Variants in CNTNAP4 observed in about 807,000 individuals in gnomAD.
The protein encoded by CNTNAP4 is contactin-associated protein-like 4.
A neutral mutation model predicts 148.4 loss-of-function variants in CNTNAP4; 98 were observed. The ratio of observed to expected loss-of-function variants is 0.66; its 90% CI spans 0.56 to 0.78. CNTNAP4 has a LOEUF of 0.78. Ranked by LOEUF, CNTNAP4 falls within the 30% of genes least tolerant of loss-of-function variation. The probability of loss-of-function intolerance (pLI) is 0.00; values close to 1 mark genes in which losing one functional copy is unlikely to be tolerated. For missense variants in CNTNAP4, 1,935 were observed against 1,565.6 expected (o/e 1.24, Z -3.98); for synonymous variants, 730 against 565.1 (o/e 1.29, Z -4.14).
intron 1 of CNTNAP4, among the ~76,000 whole-genome samples, chr16:76,285,662 A>G (rs1958850540): frequency 6.6e-6 from 1 of 152,104 alleles, no homozygotes; most frequent in African/African-American, 2.4e-5. Flanking sequence ...AAATATATAA[A>G]TTCACCTGCC....
At chr16:76,525,549 A>C (rs1384171453) in intron 17 of CNTNAP4, among the ~76,000 whole-genome samples, 1 of 147,416 alleles carries the variant, frequency 6.8e-6, no homozygotes, top group Non-Finnish European at 1.5e-5. Flanking sequence ...AAGAGACAAG[A>C]GACAGCCAAT....
In CNTNAP4 at chr16:76,277,436, A is replaced by T. The variant is rs74024968; in HGVS notation, c.-227A>T. 4,178 of 519,742 alleles carry T rather than the reference A, an allele frequency of 8.0e-3. 133 individuals carry two copies. Among genetic ancestry groups the T allele is most frequent in the African/African-American group, 0.075 (3,881 of 52,070 alleles). 32.2% of individuals were successfully genotyped at this position (519,742 alleles called of 1,614,324 possible). ...GAGGAGTCAGGGAGGTGTGTGTGAGAGAGAGAGAGAAAAGAGAGAGACAGA... is the reference window on the plus strand; with the variant it reads ...GAGGAGTCAGGGAGGTGTGTGTGAGTGAGAGAGAGAAAAGAGAGAGACAGA... On this transcript the variant is annotated 5_prime_UTR_variant, in exon 1 of 24. Transcript: ENST00000611870.
At position 76,452,858 on chromosome 16, in the gene CNTNAP4, A is replaced by G. The variant is rs2080566152; in HGVS notation, c.1333+89A>G. 3.4e-6 allele frequency: 4 copies of G among 1,175,050 alleles called. No homozygotes were observed. In the South Asian group the frequency reaches 5.4e-5, roughly 16 times the overall value. The allele number at this position is 1,175,050 out of a possible 1,614,324, so 72.8% of individuals were successfully genotyped here. On this transcript the variant is annotated intron_variant, in intron 8 of 23. Coordinates refer to ENST00000611870, the MANE Select transcript of CNTNAP4 (RefSeq NM_033401.5). ...AAATTTTATGCATAACCAAAAATGT[A>G]ATATTTGCTTAATAAATGAATACTC...
intron 23 of CNTNAP4, among the ~76,000 whole-genome samples, chr16:76,554,350 C>T (rs138449683): frequency 6.0e-4 from 91 of 152,232 alleles, no homozygotes; most frequent in African/African-American, 1.9e-3. Flanking sequence ...TGTATTGCCT[C>T]AAGGCTTAAT....
At chr16:76,346,432 TAA>T (rs59482710) in intron 2 of CNTNAP4, among the ~76,000 whole-genome samples, 1,815 of 123,716 alleles carry the variant, frequency 0.015, 13 homozygotes, top group African/African-American at 0.021. Flanking sequence ...CTAGGGAAGA[TAA>T]AAAAAAAAAA....
rs111514394 is a variant in CNTNAP4, at chr16:76,428,851, A to G, written c.538+1252A>G. Reference sequence around the variant, plus strand: ...GCTTATTATATGCACTATTCCAAGCAGTTTACGATTCCTCAAAATAGCCCC... The same window carrying G: ...GCTTATTATATGCACTATTCCAAGCGGTTTACGATTCCTCAAAATAGCCCC... On this transcript the variant is annotated intron_variant, in intron 4 of 23. Transcript: ENST00000611870. Among the ~76,000 whole-genome samples the G allele has an allele frequency of 7.7e-3, 1,168 of 152,264 alleles. 7 individuals are homozygous for G. Among genetic ancestry groups the G allele is most frequent in the Non-Finnish European group, 0.011 (780 of 68,016 alleles).
At chr16:76,490,323 A>G (rs1314524932) in intron 13 of CNTNAP4, among the ~76,000 whole-genome samples, 1 of 152,204 alleles carries the variant, frequency 6.6e-6, no homozygotes, top group Non-Finnish European at 1.5e-5. Context: ...GCCTCTGGGT[A>G]TAATGGAAAA....
chr16:76,302,325 A>G (rs903564357), intron 1 of CNTNAP4, among the ~76,000 whole-genome samples: 5 of 152,154 alleles, frequency 3.3e-5, no homozygotes, highest in Admixed American at 2.0e-4. Flanking sequence ...CAATCCTATG[A>G]TCTCATCTAA....
intron 3 of CNTNAP4, among the ~76,000 whole-genome samples, chr16:76,404,877 AT>A (rs1290750674): frequency 6.6e-5 from 10 of 152,242 alleles, no homozygotes; most frequent in African/African-American, 2.4e-4. Context: ...TATTTTTAAT[AT>A]TTTCATAACA....
chr16:76,490,992 G>A (rs1034585123), intron 13 of CNTNAP4, among the ~76,000 whole-genome samples: 1 of 152,162 alleles, frequency 6.6e-6, no homozygotes, highest in African/African-American at 2.4e-5. Flanking sequence ...AATAGCATAT[G>A]TCATAAAGAT....
chr16:76,342,465 C>CTTTTTTTTTTTTT (rs397854943), intron 2 of CNTNAP4, among the ~76,000 whole-genome samples: 8 of 91,492 alleles, frequency 8.7e-5, no homozygotes, highest in East Asian at 5.2e-4. Flanking sequence ...TTGCTAATTT[C>CTTTTTTTTTTTTT]TTTTTTTTTT....
At chr16:76,391,842 G>A (rs1257313340) in intron 3 of CNTNAP4, among the ~76,000 whole-genome samples, 1 of 152,202 alleles carries the variant, frequency 6.6e-6, no homozygotes, top group East Asian at 1.9e-4. Context: ...TCTTGAGTCA[G>A]AATCTGCATT....
In CNTNAP4 at chr16:76,508,115, A is replaced by G. The variant is rs1166911454; in HGVS notation, c.2365+9421A>G. Among the ~76,000 whole-genome samples the G allele has an allele frequency of 2.0e-5, 2 of 97,968 alleles. 1 individual carries two copies. The highest frequency in any genetic ancestry group is 5.8e-5 in the Non-Finnish European group (2 of 34,548). 64.3% of individuals were successfully genotyped at this position (97,968 alleles called of 152,430 possible). On this transcript the variant is annotated intron_variant, in intron 15 of 23. Transcript: ENST00000611870. The stretch of plus-strand genomic sequence containing the variant: ...TTTATTCTTGTGTTCCTGATAACTA[A>G]TGTATTACCTATTGCACAAAAGATA...
At position 76,535,431 on chromosome 16, in the gene CNTNAP4, A is replaced by C. The variant is rs905302784; in HGVS notation, c.2756-114A>C. 7.6e-6 allele frequency: 8 copies of C among 1,055,928 alleles called. No individual in the cohort carries two copies. The African/African-American group carries it at 1.1e-4, about 15-fold the overall frequency. 65.4% of individuals were successfully genotyped at this position (1,055,928 alleles called of 1,614,324 possible). A position where few individuals can be genotyped will look rare whatever the true frequency, so the allele number is the denominator to read the frequency against. On this transcript the variant is annotated intron_variant, in intron 17 of 23. Coordinates refer to ENST00000611870, the MANE Select transcript of CNTNAP4 (RefSeq NM_033401.5). Reference sequence around the variant, plus strand: ...CCATGAATTGTGTTTCCAAAATTATATTTGCTCATCCATTTTTTTTGCCGT... The same window carrying C: ...CCATGAATTGTGTTTCCAAAATTATCTTTGCTCATCCATTTTTTTTGCCGT...
At chr16:76,361,709 G>A (rs556897545) in intron 3 of CNTNAP4, among the ~76,000 whole-genome samples, 1 of 152,134 alleles carries the variant, frequency 6.6e-6, no homozygotes, top group South Asian at 2.1e-4. Flanking sequence ...TGGAATTTCA[G>A]TTTTTAATTT....
chr16:76,362,138 A>G (rs1185455571), intron 3 of CNTNAP4, among the ~76,000 whole-genome samples: 2 of 152,294 alleles, frequency 1.3e-5, no homozygotes, highest in African/African-American at 2.4e-5. Flanking sequence ...AATTTAAAAC[A>G]TAGTCTCATT....
intron 2 of CNTNAP4, among the ~76,000 whole-genome samples, chr16:76,326,500 T>A (rs976424258): frequency 6.6e-6 from 1 of 152,176 alleles, no homozygotes; most frequent in Non-Finnish European, 1.5e-5. Context: ...CATGCACATG[T>A]ATGTTTATTG....
At chr16:76,459,964 C>T (rs747885764) in intron 8 of CNTNAP4, among the ~76,000 whole-genome samples, 2 of 152,016 alleles carry the variant, frequency 1.3e-5, no homozygotes, top group African/African-American at 2.4e-5. Context: ...AAGAATACCT[C>T]GATTTTTGAT....
At chr16:76,501,857 T>G (rs985227155) in intron 15 of CNTNAP4, among the ~76,000 whole-genome samples, 2 of 151,874 alleles carry the variant, frequency 1.3e-5, no homozygotes, top group African/African-American at 2.4e-5. Context: ...GATCACGAGG[T>G]CAGGAGATCG....
Sources: gnomAD v4.1 joint callset for allele counts (sites outside exome capture counted in the v4.1 genomes callset) on GRCh38, gnomAD v4.1.1 for gene constraint, MANE v1.5 for transcripts, NCBI Gene and HGNC (gene_info 2026-07-23, HGNC 2026-07-21) for gene names.